Variants in MYCBP2 observed in about 807,000 individuals in gnomAD.
MYCBP2 encodes MYC binding protein 2.
MYCBP2 carries 120 observed loss-of-function variants against 525.3 expected under a neutral mutation model. The ratio of observed to expected loss-of-function variants is 0.23; its 90% CI spans 0.20 to 0.27. The LOEUF (loss-of-function observed/expected upper bound fraction) is 0.27. Ranked by LOEUF, MYCBP2 falls within the 10% of genes least tolerant of loss-of-function variation. MYCBP2 has a pLI of 1.00. For missense variants in MYCBP2, 4,149 were observed against 5,657.1 expected (o/e 0.73, Z 8.55); for synonymous variants, 1,894 against 1,955.8 (o/e 0.97, Z 0.83).
intron 18 of MYCBP2, among the ~76,000 whole-genome samples, chr13:77,229,794 C>T (rs974141812): frequency 6.6e-6 from 1 of 152,048 alleles, no homozygotes; most frequent in Admixed American, 6.6e-5. Flanking sequence ...AGCCTAATTC[C>T]AAAGGCTATA....
chr13:77,155,959 G>T (rs2057166513), intron 46 of MYCBP2, 99 bp downstream of exon 46: 1 of 1,147,136 alleles, frequency 8.7e-7, no homozygotes, highest in South Asian at 1.8e-5. Flanking sequence ...TATAAAGAGG[G>T]TAGAACAAAT....
intron 16 of MYCBP2, 42 bp downstream of exon 16, chr13:77,243,764 G>C: frequency 6.4e-7 from 1 of 1,570,476 alleles, no homozygotes; most frequent in South Asian, 1.2e-5. Flanking sequence ...TTACTGAGTT[G>C]AGGACAACTC....
intron 55 of MYCBP2, chr13:77,118,634 G>C (rs2050183431): frequency 1.8e-6 from 1 of 559,006 alleles, no homozygotes; most frequent in African/African-American, 1.9e-5. Flanking sequence ...AGTGAAAATT[G>C]GTGACTGTTA....
At position 77,171,633 on chromosome 13, in the gene MYCBP2, T is replaced by G. The variant is rs138837742; in HGVS notation, c.5653A>C (p.Ser1885Arg). 2.2e-5 allele frequency: 35 copies of G among 1,613,820 alleles called. No individual in the cohort carries two copies. The highest frequency in any genetic ancestry group is 2.9e-5 in the Non-Finnish European group (34 of 1,179,874). The change falls in exon 38 of 83, where the codon AGT (serine) becomes CGT (arginine). Residue 1885 changes from serine (S) to arginine (R), a missense_variant and splice_region_variant. Ser to Arg is a moderately radical substitution (Grantham distance 110, BLOSUM62 -1). Coordinates refer to ENST00000544440, the MANE Select transcript of MYCBP2 (RefSeq NM_015057.5). ...GQIPQILYYR[S>R]EFDGDLQSQL... is the part of the protein sequence containing the mutation. ...GATTGTAAATCTCCATCAAATTCAC[T>G]CCTGTAGCATGAGCAAACATGAGAT...
intron 2 of MYCBP2, among the ~76,000 whole-genome samples, chr13:77,291,785 T>C (rs2077506575): frequency 6.6e-6 from 1 of 151,058 alleles, no homozygotes; most frequent in Admixed American, 6.6e-5. Context: ...AAAAAAAAGC[T>C]AAACTAAACG....
intron 30 of MYCBP2, among the ~76,000 whole-genome samples, chr13:77,188,421 A>G (rs2060959945): frequency 6.6e-6 from 1 of 152,198 alleles, no homozygotes; most frequent in Non-Finnish European, 1.5e-5. Context: ...AGAATCCTCA[A>G]TTAATACATG....
intron 52 of MYCBP2, among the ~76,000 whole-genome samples, chr13:77,131,660 T>C (rs916369948): frequency 3.9e-5 from 6 of 152,306 alleles, no homozygotes; most frequent in African/African-American, 1.4e-4. Context: ...AGCTTTCATA[T>C]AGTATAATTT....
chr13:77,190,160 A>C, intron 29 of MYCBP2, 92 bp downstream of exon 29: 1 of 677,664 alleles, frequency 1.5e-6, no homozygotes, highest in South Asian at 2.7e-5. Context: ...GCTTCAAATA[A>C]TTTCTCCCTA....
At chr13:77,124,380 T>A (rs2051289829) in intron 54 of MYCBP2, among the ~76,000 whole-genome samples, 1 of 152,186 alleles carries the variant, frequency 6.6e-6, no homozygotes, top group African/African-American at 2.4e-5. Flanking sequence ...CTTGGAATAA[T>A]AAGTATTATA....
Position 77,088,883 on chromosome 13 carries a change from T to C in MYCBP2, c.10674A>G (p.Ile3558Met). The C allele has an allele frequency of 6.2e-7, 1 of 1,613,226 alleles. No homozygotes were observed. The highest frequency in any genetic ancestry group is 8.5e-7 in the Non-Finnish European group (1 of 1,179,458). The part of the protein sequence containing the change: ...IQHHDLEGLE[I>M]AMKQALRKSA... ...ATTTCCTTAGGGCCTGTTTCATTGCTATTTCAAGACCTTCTAGATCATGAT... is the reference window on the plus strand; with the variant it reads ...ATTTCCTTAGGGCCTGTTTCATTGCCATTTCAAGACCTTCTAGATCATGAT... The change falls in exon 61 of 83, where the codon ATA (isoleucine) becomes ATG (methionine). Residue 3558 changes from isoleucine to methionine, a missense_variant. This residue lies in a region of MYCBP2 where 509 missense variants were observed against 789.4 expected (regional missense o/e 0.64). Coordinates refer to ENST00000544440, the MANE Select transcript of MYCBP2 (RefSeq NM_015057.5).
At chr13:77,318,650 A>C (rs2154381062) in intron 1 of MYCBP2, among the ~76,000 whole-genome samples, 1 of 152,316 alleles carries the variant, frequency 6.6e-6, no homozygotes, top group South Asian at 2.1e-4. Context: ...ACTACTCAGG[A>C]GGCTGAGGCA....
At chr13:77,108,317 T>A (rs1404253605) in intron 55 of MYCBP2, among the ~76,000 whole-genome samples, 1 of 152,168 alleles carries the variant, frequency 6.6e-6, no homozygotes. Context: ...AAATAACACT[T>A]AGGAAAAGCG....
intron 82 of MYCBP2, among the ~76,000 whole-genome samples, chr13:77,048,219 T>C (rs970041374): frequency 2.0e-5 from 3 of 152,104 alleles, no homozygotes; most frequent in African/African-American, 7.2e-5. Flanking sequence ...AGAGGCCCCC[T>C]GCCCTTCCAC....
At chr13:77,249,197 T>C (rs1482758689) in intron 15 of MYCBP2, among the ~76,000 whole-genome samples, 2 of 152,220 alleles carry the variant, frequency 1.3e-5, no homozygotes, top group Non-Finnish European at 2.9e-5. Context: ...ATGGTGGTAA[T>C]AGTTGCACAA....
At chr13:77,161,077 T>C (rs2057859214) in intron 44 of MYCBP2, among the ~76,000 whole-genome samples, 2 of 152,198 alleles carry the variant, frequency 1.3e-5, no homozygotes, top group Admixed American at 1.3e-4. Flanking sequence ...ATCACTGATG[T>C]TCTCAGTGTG....
chr13:77,085,094 C>T (rs2043999699), intron 62 of MYCBP2, among the ~76,000 whole-genome samples: 1 of 152,006 alleles, frequency 6.6e-6, no homozygotes, highest in South Asian at 2.1e-4. Context: ...CTGACACTGG[C>T]TGTTTCATCG....
In MYCBP2 at chr13:77,098,063, C is replaced by T; in HGVS notation, c.9091G>A (p.Ala3031Thr). Residue 3031 changes from alanine (A) to threonine (T), a missense_variant, in exon 56 of 83, where the codon GCC becomes ACC. Transcript: ENST00000544440. ...QAMSPSVAECARAVFASFLWH... is the reference protein window; with the variant it reads ...QAMSPSVAECTRAVFASFLWH... Reference sequence around the variant, plus strand: ...AGGAAGGAAGCAAACACAGCTCTGGCACATTCGGCCACAGAAGGAGACATG... The same window carrying T: ...AGGAAGGAAGCAAACACAGCTCTGGTACATTCGGCCACAGAAGGAGACATG... The T allele has an allele frequency of 6.2e-7, 1 of 1,613,492 alleles. No homozygotes were observed. The highest frequency in any genetic ancestry group is 8.5e-7 in the Non-Finnish European group (1 of 1,179,732).
chr13:77,269,899 G>A (rs1358180991), intron 7 of MYCBP2, 93 bp downstream of exon 7: 1 of 940,888 alleles, frequency 1.1e-6, no homozygotes, highest in African/African-American at 1.7e-5. Context: ...TATCATTTCT[G>A]TTTAAATAGA....
intron 35 of MYCBP2, 88 bp downstream of exon 35, chr13:77,177,660 C>G: frequency 1.9e-6 from 2 of 1,063,124 alleles, no homozygotes; most frequent in Non-Finnish European, 1.4e-6. Context: ...AGTGATTGAT[C>G]TAGTAAACCC....
Sources: gnomAD v4.1 joint callset for allele counts (sites outside exome capture counted in the v4.1 genomes callset) on GRCh38, gnomAD v4.1.1 for gene constraint, gnomAD v4.1.1 regional missense constraint, MANE v1.5 for transcripts, NCBI Gene and HGNC (gene_info 2026-07-23, HGNC 2026-07-21) for gene names.